Variants in FGF14 observed in about 807,000 individuals in gnomAD.
FGF14 encodes the protein fibroblast growth factor 14.
Under a neutral mutation model 25.5 loss-of-function variants are expected in FGF14, and 5 were observed. That is an observed-to-expected ratio of 0.20 (90% CI 0.10 to 0.41). The LOEUF (loss-of-function observed/expected upper bound fraction) is 0.41, where lower values mean the gene tolerates loss of function less well. Ranked by LOEUF, FGF14 falls within the 10% of genes least tolerant of loss-of-function variation. FGF14 has a pLI of 1.00. For missense variants in FGF14, 222 were observed against 320.1 expected (o/e 0.69, Z 2.34); for synonymous variants, 138 against 118.3 (o/e 1.17, Z -1.08).
intron 1 of FGF14, chr13:102,003,304 A>C (rs1426413453): frequency 6.6e-6 from 1 of 152,204 alleles, no homozygotes; most frequent in East Asian, 1.9e-4. Flanking sequence ...GAATAAAGAG[A>C]GCCATGGGAT....
At position 101,978,787 on chromosome 13, in the gene FGF14, G is replaced by A. The variant is rs1199258239; in HGVS notation, c.209-103491C>T. On this transcript the variant is annotated intron_variant, in intron 1 of 4. Coordinates refer to the FGF14 transcript ENST00000376131. ...GGCCACCAAGGGGTACTGTGATTCC[G>A]GAAGCATGACAGTACCTTTGATAGA... 3.9e-5 allele frequency among the ~76,000 whole-genome samples: 6 copies of A among 152,142 alleles called. No homozygotes were observed. The East Asian group carries it at 5.8e-4, about 15-fold the overall frequency.
At chr13:102,108,748 T>G (rs1055419402) in intron 1 of FGF14, among the ~76,000 whole-genome samples, 2 of 152,208 alleles carry the variant, frequency 1.3e-5, no homozygotes, top group African/African-American at 4.8e-5. Context: ...GCTAATTTAA[T>G]TTTACTATAA....
At chr13:102,365,065 G>T (rs1165704645) in intron 1 of FGF14, among the ~76,000 whole-genome samples, 1 of 152,088 alleles carries the variant, frequency 6.6e-6, no homozygotes, top group Admixed American at 6.6e-5. Context: ...TCCATTGTGG[G>T]AATGTAATTT....
At chr13:101,807,240 C>T (rs1172771990) in intron 3 of FGF14, among the ~76,000 whole-genome samples, 2 of 152,080 alleles carry the variant, frequency 1.3e-5, no homozygotes, top group African/African-American at 4.8e-5. Flanking sequence ...TACTCATTCC[C>T]ATTTTGATCA....
intron 1 of FGF14, among the ~76,000 whole-genome samples, chr13:102,265,580 G>T (rs2052948668): frequency 6.6e-6 from 1 of 152,052 alleles, no homozygotes; most frequent in South Asian, 2.1e-4. Flanking sequence ...ATTAGAATTG[G>T]TAACATTCCA....
At chr13:102,242,661 A>G (rs1235725572) in intron 1 of FGF14, among the ~76,000 whole-genome samples, 1 of 152,124 alleles carries the variant, frequency 6.6e-6, no homozygotes, top group East Asian at 1.9e-4. Context: ...CCCACCACTT[A>G]ACACAGCTGC....
intron 1 of FGF14, among the ~76,000 whole-genome samples, chr13:101,888,522 T>C (rs1308355125): frequency 6.6e-6 from 1 of 152,178 alleles, no homozygotes; most frequent in Non-Finnish European, 1.5e-5. Context: ...TGACTTTAGG[T>C]AATTCAATAT....
At chr13:102,272,891 A>C (rs1242761293) in intron 1 of FGF14, among the ~76,000 whole-genome samples, 2 of 152,190 alleles carry the variant, frequency 1.3e-5, no homozygotes, top group Non-Finnish European at 2.9e-5. Flanking sequence ...AAGGAAAGAA[A>C]TTCATTGATA....
chr13:102,147,565 A>G (rs760127532), intron 1 of FGF14, among the ~76,000 whole-genome samples: 129 of 152,350 alleles, frequency 8.5e-4, no homozygotes, highest in Non-Finnish European at 1.0e-3. Context: ...AAAGATTACT[A>G]AAAGGACAAC....
intron 1 of FGF14, among the ~76,000 whole-genome samples, chr13:102,035,058 G>T (rs560862405): frequency 1.3e-5 from 2 of 152,178 alleles, no homozygotes; most frequent in African/African-American, 4.8e-5. Context: ...CTGGTTTAAT[G>T]TATTTTAAGA....
chr13:102,189,522 A>G (rs2049042306), intron 1 of FGF14, among the ~76,000 whole-genome samples: 1 of 152,186 alleles, frequency 6.6e-6, no homozygotes, highest in Admixed American at 6.5e-5. Context: ...CCCTTACAAC[A>G]TTTAGGAGCA....
chr13:101,761,540 A>T (rs1291945444), intron 3 of FGF14, among the ~76,000 whole-genome samples: 2 of 152,124 alleles, frequency 1.3e-5, no homozygotes, highest in Non-Finnish European at 2.9e-5. Context: ...CTATAGACAA[A>T]TGCTTATTTA....
intron 3 of FGF14, among the ~76,000 whole-genome samples, chr13:101,804,323 C>T (rs2041074513): frequency 1.3e-5 from 2 of 152,138 alleles, no homozygotes; most frequent in Admixed American, 6.6e-5. Flanking sequence ...AACAAAAAAA[C>T]TACAGCAATG....
intron 1 of FGF14, among the ~76,000 whole-genome samples, chr13:102,108,430 G>C (rs1247696472): frequency 6.6e-6 from 1 of 151,456 alleles, no homozygotes; most frequent in South Asian, 2.1e-4. Context: ...AACAAGCAAA[G>C]GGTTAGAAAT....
At chr13:102,311,631 G>C (rs917704357) in intron 1 of FGF14, among the ~76,000 whole-genome samples, 1 of 152,132 alleles carries the variant, frequency 6.6e-6, no homozygotes, top group African/African-American at 2.4e-5. Context: ...GTAAGCAGAA[G>C]AGATTAAGGG....
At chr13:102,085,063 A>G (rs1052890422) in intron 1 of FGF14, among the ~76,000 whole-genome samples, 1 of 152,256 alleles carries the variant, frequency 6.6e-6, no homozygotes, top group African/African-American at 2.4e-5. Flanking sequence ...GCAAAGTTAA[A>G]CAACGGACAT....
rs1458047858 is a variant in FGF14, at chr13:101,916,666, C to T, written c.-21G>A. ...GCCATGGTGGCCCCGGGAACGGGTC[C>T]GGGGAGGGAGGGCGCGGGAGGACGG... On this transcript the variant is annotated 5_prime_UTR_variant, in exon 1 of 5. Coordinates refer to ENST00000376143, the MANE Select transcript of FGF14 (RefSeq NM_004115.4). 7.3e-6 allele frequency: 11 copies of T among 1,508,454 alleles called. No homozygotes were observed. Among genetic ancestry groups the T allele is most frequent in the Non-Finnish European group, 3.6e-6 (4 of 1,126,326 alleles). 93.4% of individuals were successfully genotyped at this position (1,508,454 alleles called of 1,614,324 possible).
chr13:102,066,835 T>A (rs953949626), intron 1 of FGF14, among the ~76,000 whole-genome samples: 3 of 152,198 alleles, frequency 2.0e-5, no homozygotes, highest in African/African-American at 7.2e-5. Flanking sequence ...ACCTAGGCTG[T>A]CCATGAACCT....
intron 1 of FGF14, among the ~76,000 whole-genome samples, chr13:101,930,553 G>A (rs948458880): frequency 2.0e-5 from 3 of 152,238 alleles, no homozygotes; most frequent in Non-Finnish European, 4.4e-5. Context: ...TTTTAGCCTA[G>A]AGGGACTCAG....
Sources: allele counts gnomAD v4.1 joint callset (sites outside exome capture counted in the v4.1 genomes callset), GRCh38; gene constraint gnomAD v4.1.1; transcripts MANE v1.5; gene names NCBI Gene and HGNC (gene_info 2026-07-23, HGNC 2026-07-21).